Variants in RBFOX1 observed in about 807,000 individuals in gnomAD.
The protein encoded by RBFOX1 is RNA binding fox-1 homolog 1, also known as RNA binding protein fox-1 homolog 1.
RBFOX1 carries 8 observed loss-of-function variants against 57.7 expected under a neutral mutation model. The ratio of observed to expected loss-of-function variants is 0.14; its 90% confidence interval spans 0.08 to 0.25. The LOEUF (loss-of-function observed/expected upper bound fraction) is 0.25. RBFOX1 is among the 10% of genes least tolerant of loss of function. The probability of loss-of-function intolerance (pLI) is 1.00; values close to 1 mark genes in which losing one functional copy is unlikely to be tolerated. For synonymous variants in RBFOX1, 326 were observed against 222.4 expected (o/e 1.47, Z -4.15); for missense variants, 611 against 548.5 (o/e 1.11, Z -1.14).
chr16:7,466,900 A>G (rs928285717), intron 4 of RBFOX1, among the ~76,000 whole-genome samples: 10 of 152,196 alleles, frequency 6.6e-5, no homozygotes, highest in African/African-American at 2.2e-4. Flanking sequence ...AATGGTCTCT[A>G]TGAATTTGAG....
At chr16:5,896,026 G>A (rs1267892173) in intron 4 of RBFOX1, among the ~76,000 whole-genome samples, 1 of 152,152 alleles carries the variant, frequency 6.6e-6, no homozygotes, top group East Asian at 1.9e-4. Context: ...CTTACGTTGG[G>A]TACTTCAGAT....
At chr16:7,182,609 G>C (rs1173252110) in intron 4 of RBFOX1, among the ~76,000 whole-genome samples, 2 of 152,172 alleles carry the variant, frequency 1.3e-5, no homozygotes, top group African/African-American at 4.8e-5. Flanking sequence ...TAAGCAAAAA[G>C]GGAAAATTTA....
intron 3 of RBFOX1, among the ~76,000 whole-genome samples, chr16:6,999,632 C>A (rs1009864526): frequency 1.3e-5 from 2 of 152,056 alleles, no homozygotes; most frequent in South Asian, 2.1e-4. Flanking sequence ...TTGTTTTGTG[C>A]TTTAATCTTC....
intron 4 of RBFOX1, among the ~76,000 whole-genome samples, chr16:5,935,373 T>C (rs1465705168): frequency 1.3e-5 from 2 of 152,138 alleles, no homozygotes; most frequent in African/African-American, 4.8e-5. Flanking sequence ...AGGAGGACCA[T>C]GGCCAGGAGC....
At chr16:6,760,495 A>G (rs1001482476) in intron 3 of RBFOX1, among the ~76,000 whole-genome samples, 6 of 152,258 alleles carry the variant, frequency 3.9e-5, no homozygotes, top group Non-Finnish European at 5.9e-5. Flanking sequence ...GATACCAGCA[A>G]TCACAGCGGA....
chr16:5,916,767 G>A (rs911110027), intron 4 of RBFOX1, among the ~76,000 whole-genome samples: 3 of 152,148 alleles, frequency 2.0e-5, no homozygotes, highest in South Asian at 2.1e-4. Flanking sequence ...CTGGGCTGCC[G>A]TTTTATTAGC....
chr16:5,992,013 T>G (rs1286700094), intron 4 of RBFOX1, among the ~76,000 whole-genome samples: 1 of 152,162 alleles, frequency 6.6e-6, no homozygotes, highest in Non-Finnish European at 1.5e-5. Flanking sequence ...ATACAGAGAT[T>G]TGTAAAAATG....
At chr16:6,651,103 T>C (rs2098589609) in intron 2 of RBFOX1, among the ~76,000 whole-genome samples, 1 of 152,184 alleles carries the variant, frequency 6.6e-6, no homozygotes, top group Non-Finnish European at 1.5e-5. Context: ...AGTTTCACCA[T>C]ATTAGCCAGG....
At chr16:5,507,124 A>G (rs546115344) in intron 2 of RBFOX1, among the ~76,000 whole-genome samples, 9 of 152,064 alleles carry the variant, frequency 5.9e-5, no homozygotes, top group Non-Finnish European at 5.9e-5. Context: ...AGTGAGGTTG[A>G]TAAGTAGCTA....
chr16:7,032,195 C>T (rs752085718), intron 3 of RBFOX1, among the ~76,000 whole-genome samples: 11 of 152,028 alleles, frequency 7.2e-5, no homozygotes, highest in African/African-American at 1.5e-4. Context: ...GAGGCCAAGG[C>T]GGGCGGATCG....
intron 2 of RBFOX1, among the ~76,000 whole-genome samples, chr16:6,493,147 C>T (rs910602341): frequency 2.0e-5 from 3 of 152,064 alleles, no homozygotes; most frequent in African/African-American, 4.8e-5. Flanking sequence ...GCTTAGATAC[C>T]AACATAGGTA....
intron 2 of RBFOX1, among the ~76,000 whole-genome samples, chr16:6,324,373 A>C (rs1194368666): frequency 6.6e-6 from 1 of 152,206 alleles, no homozygotes; most frequent in Non-Finnish European, 1.5e-5. Flanking sequence ...TTTATAAAGA[A>C]AAGATATTTA....
intron 3 of RBFOX1, among the ~76,000 whole-genome samples, chr16:6,942,945 C>T (rs940490586): frequency 1.3e-5 from 2 of 152,178 alleles, no homozygotes; most frequent in African/African-American, 4.8e-5. Context: ...GATTCGACAT[C>T]ACCATGTGCT....
chr16:7,113,897 G>C (rs1299626424), intron 4 of RBFOX1, among the ~76,000 whole-genome samples: 1 of 152,090 alleles, frequency 6.6e-6, no homozygotes, highest in Non-Finnish European at 1.5e-5. Context: ...CTCAGTGTGT[G>C]CATGGGTGAT....
intron 2 of RBFOX1, among the ~76,000 whole-genome samples, chr16:6,511,505 T>A (rs143156358): frequency 1.3e-5 from 2 of 152,228 alleles, no homozygotes; most frequent in Admixed American, 6.5e-5. Flanking sequence ...TTAGTTTTCA[T>A]GTCTGCAGAG....
At chr16:6,999,393 C>T (rs965247611) in intron 3 of RBFOX1, among the ~76,000 whole-genome samples, 1 of 150,674 alleles carries the variant, frequency 6.6e-6, no homozygotes, top group Admixed American at 6.6e-5. Flanking sequence ...ATTGGTGGAC[C>T]AGAGTGATTT....
chr16:6,631,587 T>A (rs2098385767), intron 2 of RBFOX1, among the ~76,000 whole-genome samples: 1 of 152,046 alleles, frequency 6.6e-6, no homozygotes, highest in East Asian at 1.9e-4. Context: ...AGTCTCTGCT[T>A]TCATGGAGCT....
At chr16:6,773,154 TG>T (rs2078669513) in intron 3 of RBFOX1, among the ~76,000 whole-genome samples, 2 of 120,464 alleles carry the variant, frequency 1.7e-5, no homozygotes, top group African/African-American at 7.0e-5. Context: ...TGTTTGTGTA[TG>T]GGTGTGGGGT....
chr16:5,956,639 A>AATATATATATATATAT (rs1373907599), intron 4 of RBFOX1, among the ~76,000 whole-genome samples: 58 of 123,506 alleles, frequency 4.7e-4, no homozygotes, highest in African/African-American at 1.6e-3. Flanking sequence ...GCAAAAAACA[A>AATATATATATATATAT]ATATATATAT....
Sources: gnomAD v4.1 joint callset for allele counts (sites outside exome capture counted in the v4.1 genomes callset) on GRCh38, gnomAD v4.1.1 for gene constraint, MANE v1.5 for transcripts, NCBI Gene and HGNC (gene_info 2026-07-23, HGNC 2026-07-21) for gene names.